LMLN: variants seen among roughly 807,000 people sequenced by gnomAD.
LMLN encodes leishmanolysin-like peptidase.
LMLN carries 70 observed loss-of-function variants against 92.3 expected under a neutral mutation model. The ratio of observed to expected loss-of-function variants is 0.76; its 90% CI spans 0.63 to 0.92. The LOEUF is 0.92. LMLN is among the 40% of genes least tolerant of loss of function. The pLI is 0.00. For missense variants in LMLN, 691 were observed against 814.6 expected (o/e 0.85, Z 1.85); for synonymous variants, 308 against 296.2 (o/e 1.04, Z -0.41).
At chr3:197,974,922 C>T in intron 2 of LMLN, 120 bp from the exon 3 acceptor site, 2 of 692,724 alleles carry the variant, frequency 2.9e-6, no homozygotes, top group Non-Finnish European at 5.1e-6. Context: ...AAAAGAATGG[C>T]TGCTCCATAG....
exon 1 of LMLN, chr3:197,960,381 A>C (rs114780577): frequency 0.02 from 31,747 of 1,613,264 alleles, 373 homozygotes; most frequent in Non-Finnish European, 0.022. Flanking sequence ...CGCCACATCT[A>C]CTCCCGTCTC....
At chr3:198,032,575 G>A (rs1167842550) in intron 14 of LMLN, among the ~76,000 whole-genome samples, 1 of 152,182 alleles carries the variant, frequency 6.6e-6, no homozygotes, top group Non-Finnish European at 1.5e-5. Context: ...ATCGGCTTCT[G>A]GTGACGGCTC....
chr3:198,010,439 A>C (rs561925171), intron 11 of LMLN, among the ~76,000 whole-genome samples: 47 of 150,508 alleles, frequency 3.1e-4, no homozygotes, highest in Non-Finnish European at 6.1e-4. Context: ...GTGAGTCACC[A>C]CGCCCAGCGT....
exon 7 of LMLN, chr3:197,984,045 C>T (rs1721631337): frequency 1.9e-6 from 3 of 1,596,342 alleles, no homozygotes; most frequent in African/African-American, 1.3e-5. Context: ...TTATTCATGC[C>T]CTGGTAAATT....
At chr3:198,015,898 A>T (rs78714635) in intron 11 of LMLN, among the ~76,000 whole-genome samples, 1,983 of 151,752 alleles carry the variant, frequency 0.013, 45 homozygotes, top group African/African-American at 0.045. Context: ...TGTTATATTT[A>T]AAAAAAAATT....
At chr3:198,020,762 T>TTTTG (rs1560152805) in intron 12 of LMLN, among the ~76,000 whole-genome samples, 37 of 139,600 alleles carry the variant, frequency 2.7e-4, no homozygotes, top group African/African-American at 9.5e-4. Context: ...CCCAGCTAAT[T>TTTTG]TTTGTATTTT....
chr3:197,982,469 A>G (rs543081838), intron 6 of LMLN, among the ~76,000 whole-genome samples: 1 of 151,964 alleles, frequency 6.6e-6, no homozygotes, highest in African/African-American at 2.4e-5. Flanking sequence ...CTGGTGATCC[A>G]CCTGCCTTGG....
intron 9 of LMLN, among the ~76,000 whole-genome samples, chr3:197,991,228 C>T (rs1298678994): frequency 6.6e-6 from 1 of 151,558 alleles, no homozygotes; most frequent in African/African-American, 2.4e-5. Context: ...TTCTGCCTCC[C>T]GAGTGGCTGA....
exon 16 of LMLN, chr3:198,038,579 G>A (rs765986978): frequency 1.2e-6 from 2 of 1,613,578 alleles, no homozygotes; most frequent in East Asian, 2.2e-5. Context: ...CTTTGTTCCT[G>A]TTCCTCGAGC....
intron 10 of LMLN, among the ~76,000 whole-genome samples, chr3:197,997,176 C>A (rs1040859268): frequency 6.6e-6 from 1 of 151,430 alleles, no homozygotes; most frequent in African/African-American, 2.4e-5. Flanking sequence ...CTTGGTCAGG[C>A]TAGAGTACAG....
exon 1 of LMLN, chr3:197,960,288 G>C (rs761520260): frequency 6.2e-7 from 1 of 1,613,784 alleles, no homozygotes; most frequent in Non-Finnish European, 8.5e-7. Context: ...CTCGGGCTCA[G>C]GCCCGGGCCG....
chr3:197,996,079 A>T, intron 9 of LMLN, 96 bp from the exon 10 acceptor site: 1 of 522,388 alleles, frequency 1.9e-6, no homozygotes, highest in Non-Finnish European at 3.3e-6. Context: ...GTAATTCTTT[A>T]ATGTTAACTT....
At chr3:197,984,017 C>T (rs1176007787) in exon 7 of LMLN, 1 of 1,612,968 alleles carries the variant, frequency 6.2e-7, no homozygotes, top group Non-Finnish European at 8.5e-7. Flanking sequence ...GGGATGCTGT[C>T]CACAGTGAAA....
intron 10 of LMLN, among the ~76,000 whole-genome samples, chr3:197,996,827 A>T (rs575045186): frequency 7.2e-4 from 110 of 152,244 alleles, no homozygotes; most frequent in Non-Finnish European, 1.2e-3. Context: ...GGAGTGCTGC[A>T]GCTATTCACA....
chr3:198,023,023 C>T (rs904805310), intron 13 of LMLN, among the ~76,000 whole-genome samples: 48 of 152,028 alleles, frequency 3.2e-4, no homozygotes, highest in Non-Finnish European at 5.9e-4. Flanking sequence ...TTTTTGTTAA[C>T]GGGGAAAATT....
At chr3:198,012,738 CT>C (rs1334632228) in intron 11 of LMLN, among the ~76,000 whole-genome samples, 1 of 151,076 alleles carries the variant, frequency 6.6e-6, no homozygotes, top group East Asian at 2.0e-4. Flanking sequence ...TCAGAGCCCC[CT>C]AACTAGTCTG....
chr3:197,997,636 G>C (rs1452767678), intron 10 of LMLN, among the ~76,000 whole-genome samples: 10 of 152,180 alleles, frequency 6.6e-5, no homozygotes, highest in Non-Finnish European at 1.3e-4. Context: ...TGCTGTGTTT[G>C]GCTGTCTTAG....
chr3:198,027,644 G>A (rs1463413771), intron 14 of LMLN, among the ~76,000 whole-genome samples: 4 of 152,062 alleles, frequency 2.6e-5, no homozygotes, highest in Non-Finnish European at 5.9e-5. Flanking sequence ...TTTACTTAGC[G>A]TGGCATTCTC....
Position 197,990,470 on chromosome 3 carries a change from A to T in LMLN, c.930-89A>T, listed in dbSNP as rs1397007993. On this transcript the variant is annotated intron_variant, in intron 8 of 15. Coordinates refer to ENST00000330198, the Ensembl canonical transcript of LMLN. ...ATATTTTAATTTCATATTGATATTT[A>T]TAAAGACTTTTTACAGTAAATGTAA... The T allele has an allele frequency of 6.8e-6, 4 of 587,758 alleles. No homozygotes were observed. The African/African-American group carries it at 7.4e-5, about 11-fold the overall frequency. 36.4% of individuals were successfully genotyped at this position (587,758 alleles called of 1,614,324 possible).
Sources: allele counts gnomAD v4.1 joint callset (sites outside exome capture counted in the v4.1 genomes callset), GRCh38; gene constraint gnomAD v4.1.1; transcripts MANE v1.5; gene names NCBI Gene and HGNC (gene_info 2026-07-23, HGNC 2026-07-21).